LIPH: variants seen among roughly 807,000 people sequenced by gnomAD.
LIPH encodes lipase H.
Under a neutral mutation model 47.6 loss-of-function variants are expected in LIPH, and 32 were observed. The observed-to-expected ratio is 0.67, with a 90% CI of 0.51 to 0.90. The LOEUF (loss-of-function observed/expected upper bound fraction) is 0.90, where lower values mean the gene tolerates loss of function less well. LIPH is among the 40% of genes least tolerant of loss of function. LIPH has a pLI of 0.00. For synonymous variants in LIPH, 190 were observed against 195.6 expected (o/e 0.97, Z 0.24); for missense variants, 497 against 541.4 (o/e 0.92, Z 0.81).
At position 185,534,871 on chromosome 3, in the gene LIPH, A is replaced by G. The variant is rs1056937981; in HGVS notation, c.311T>C (p.Val104Ala). 7 of 1,614,126 alleles carry G rather than the reference A, an allele frequency of 4.3e-6. No individual in the cohort carries two copies. The highest frequency in any genetic ancestry group is 2.2e-5 in the South Asian group (2 of 91,088). ...AGCTCCTCGATTCCAATCAACAACA[A>G]CTACGTTCATGTCTTCAACAGAGAG... is the stretch of plus-strand genomic sequence containing the variant. ...GLLSVEDMNV[V>A]VVDWNRGATT... Residue 104 changes from valine to alanine, a missense_variant, in exon 2 of 10, where the codon GTT becomes GCT. Transcript: ENST00000296252.
intron 8 of LIPH, among the ~76,000 whole-genome samples, chr3:185,512,819 A>T (rs1719614053): frequency 2.0e-5 from 3 of 152,082 alleles, no homozygotes; most frequent in African/African-American, 7.2e-5. Context: ...GAATGGGGTA[A>T]TCGTGACGAG....
Position 185,530,862 on chromosome 3 carries a change from T to A in LIPH, c.526+2709A>T, listed in dbSNP as rs575101453. Among the ~76,000 whole-genome samples, 47 of 152,180 alleles carry A rather than the reference T, an allele frequency of 3.1e-4. 1 individual carries two copies. The highest frequency in any genetic ancestry group is 7.4e-5 in the Non-Finnish European group (5 of 68,014). ...CAGCCTGGGTAACAAAGTAAGACCC[T>A]GTCTCAAAAATAAATAAATAAATAA... is the stretch of plus-strand genomic sequence containing the variant. On this transcript the variant is annotated intron_variant, in intron 3 of 9. Transcript: ENST00000296252.
At chr3:185,538,891 ACG>A (rs1720605832) in intron 1 of LIPH, among the ~76,000 whole-genome samples, 7 of 58,342 alleles carry the variant, frequency 1.2e-4, no homozygotes, top group African/African-American at 3.1e-4. Flanking sequence ...ATACATATAT[ACG>A]TATATACACA....
chr3:185,524,588 T>TA (rs1467768945), intron 4 of LIPH, among the ~76,000 whole-genome samples: 4 of 152,092 alleles, frequency 2.6e-5, no homozygotes, highest in Admixed American at 2.6e-4. Flanking sequence ...TAGCTGGAAT[T>TA]ACAGGCATGT....
chr3:185,511,499 T>A, intron 9 of LIPH, 25 bp downstream of exon 9: 1 of 1,612,776 alleles, frequency 6.2e-7, no homozygotes, highest in Non-Finnish European at 8.5e-7. Context: ...AAACAGCGTT[T>A]TGTCAAACCG....
chr3:185,546,057 T>C (rs150426999), intron 1 of LIPH, among the ~76,000 whole-genome samples: 80 of 151,866 alleles, frequency 5.3e-4, no homozygotes, highest in African/African-American at 1.9e-3. Flanking sequence ...TCCCAGCTAC[T>C]TGGGAGGCTG....
chr3:185,539,914 G>A (rs956091237), intron 1 of LIPH, among the ~76,000 whole-genome samples: 2 of 152,192 alleles, frequency 1.3e-5, no homozygotes, highest in Admixed American at 6.5e-5. Context: ...GGCTCCCCAT[G>A]CTGCTCCCCA....
At chr3:185,547,340 C>T (rs1197604367) in intron 1 of LIPH, among the ~76,000 whole-genome samples, 1 of 152,072 alleles carries the variant, frequency 6.6e-6, no homozygotes, top group Non-Finnish European at 1.5e-5. Flanking sequence ...GTGTAGTGCC[C>T]AGTCAGGAAG....
At chr3:185,538,745 G>GTACATATATATACATATATA (rs1720585381) in intron 1 of LIPH, among the ~76,000 whole-genome samples, 2 of 11,168 alleles carry the variant, frequency 1.8e-4, no homozygotes, top group African/African-American at 4.6e-4. Flanking sequence ...ATACATATAT[G>GTACATATATATACATATATA]TACATATATA....
chr3:185,547,680 C>T (rs763010612), intron 1 of LIPH, among the ~76,000 whole-genome samples: 7 of 151,870 alleles, frequency 4.6e-5, no homozygotes, highest in African/African-American at 1.2e-4. Context: ...AAAAATTAGC[C>T]GGGCATGGTG....
chr3:185,552,366 A>G (rs1721075531), intron 1 of LIPH, 57 bp downstream of exon 1: 8 of 1,200,682 alleles, frequency 6.7e-6, no homozygotes, highest in Non-Finnish European at 8.7e-6. Flanking sequence ...GCAAAATGAC[A>G]ACACAACTAA....
chr3:185,511,789 CTATT>C (rs1235412403), intron 8 of LIPH, 92 bp from the exon 9 acceptor site: 2 of 826,398 alleles, frequency 2.4e-6, no homozygotes, highest in African/African-American at 3.4e-5. Context: ...AAGCTGGTAA[CTATT>C]TCACCCCATA....
At chr3:185,516,349 C>T (rs1204560594) in intron 7 of LIPH, among the ~76,000 whole-genome samples, 1 of 152,114 alleles carries the variant, frequency 6.6e-6, no homozygotes, top group East Asian at 1.9e-4. Flanking sequence ...AGGAGGATCG[C>T]GTGAACCCAG....
rs371115661 is a variant in LIPH at position 185,519,323 on chromosome 3, G to C, written c.719-14C>G. On this transcript the variant is annotated splice_polypyrimidine_tract_variant and intron_variant, in intron 5 of 9. Coordinates refer to ENST00000296252, the MANE Select transcript of LIPH (RefSeq NM_139248.3). ...AATACTGAAATCCTTGGTTGTAAAA[G>C]AAGTGATGAAAGAGTAGAGCGGTTG... 9.0e-5 allele frequency: 144 copies of C among 1,596,488 alleles called. No homozygotes were observed. The highest frequency in any genetic ancestry group is 1.2e-4 in the Non-Finnish European group (138 of 1,164,494).
chr3:185,550,815 G>A (rs561297019), intron 1 of LIPH, among the ~76,000 whole-genome samples: 74 of 152,152 alleles, frequency 4.9e-4, no homozygotes, highest in African/African-American at 1.8e-3. Context: ...TGATCCACGC[G>A]CCTTGGCCTT....
At chr3:185,540,068 T>C (rs1236886665) in intron 1 of LIPH, among the ~76,000 whole-genome samples, 1 of 152,206 alleles carries the variant, frequency 6.6e-6, no homozygotes, top group Admixed American at 6.5e-5. Context: ...TACCCAACTT[T>C]TCCTTTCTCC....
chr3:185,526,661 A>AATAATATAAT (rs1193882391), intron 4 of LIPH, among the ~76,000 whole-genome samples: 6 of 100,638 alleles, frequency 6.0e-5, no homozygotes, highest in Admixed American at 2.1e-4. Flanking sequence ...TAAAATAAAA[A>AATAATATAAT]ATAATATAAT....
chr3:185,533,720 C>T (rs1470537752), intron 2 of LIPH, 41 bp from the exon 3 acceptor site: 1 of 1,276,304 alleles, frequency 7.8e-7, no homozygotes, highest in South Asian at 1.2e-5. Context: ...TTGTAAGGGG[C>T]CAAGGAATTA....
intron 9 of LIPH, 116 bp downstream of exon 9, chr3:185,511,408 C>G (rs1253853385): frequency 1.0e-6 from 1 of 980,718 alleles, no homozygotes; most frequent in African/African-American, 1.6e-5. Context: ...GAAAACCCAT[C>G]ATGTCCCTCA....
Sources: gnomAD v4.1 joint callset for allele counts (sites outside exome capture counted in the v4.1 genomes callset) on GRCh38, gnomAD v4.1.1 for gene constraint, MANE v1.5 for transcripts, NCBI Gene and HGNC (gene_info 2026-07-23, HGNC 2026-07-21) for gene names.